CPA6: variants seen among roughly 807,000 people sequenced by gnomAD.
The protein encoded by CPA6 is carboxypeptidase A6.
CPA6 carries 58 observed loss-of-function variants against 63.3 expected under a neutral mutation model. That is an observed-to-expected ratio of 0.92 (90% CI 0.74 to 1.14). The LOEUF (loss-of-function observed/expected upper bound fraction) is 1.14. CPA6 is among the 50% of genes most tolerant of loss of function. CPA6 has a pLI of 0.00. For synonymous variants in CPA6, 185 were observed against 179.0 expected (o/e 1.03, Z -0.27); for missense variants, 565 against 526.6 (o/e 1.07, Z -0.71).
At chr8:67,607,950 T>C (rs1448751414) in intron 2 of CPA6, among the ~76,000 whole-genome samples, 1 of 150,886 alleles carries the variant, frequency 6.6e-6, no homozygotes, top group African/African-American at 2.4e-5. Flanking sequence ...ACAAAGGTGG[T>C]TATTTCTTGT....
chr8:67,577,283 G>A (rs1813652448), intron 2 of CPA6, among the ~76,000 whole-genome samples: 1 of 152,184 alleles, frequency 6.6e-6, no homozygotes, highest in African/African-American at 2.4e-5. Flanking sequence ...GTAACTCTAA[G>A]TGGAATGAGA....
Position 67,624,166 on chromosome 8 carries a change from G to A in CPA6, c.192+10C>T. On this transcript the variant is annotated intron_variant, in intron 2 of 10. Transcript: ENST00000297770. Reference sequence around the variant, plus strand: ...ACAATTCTACCATAAGTGTGTAGATGTTCTATTACCTTAAGTTGATAGGAT... The same window carrying A: ...ACAATTCTACCATAAGTGTGTAGATATTCTATTACCTTAAGTTGATAGGAT... 1 of 1,484,490 alleles carries A rather than the reference G, an allele frequency of 6.7e-7. No individual in the cohort carries two copies. Among genetic ancestry groups the A allele is most frequent in the Non-Finnish European group, 9.4e-7 (1 of 1,066,656 alleles). 92.0% of individuals were successfully genotyped at this position (1,484,490 alleles called of 1,614,324 possible).
intron 1 of CPA6, among the ~76,000 whole-genome samples, chr8:67,643,280 C>T (rs962749967): frequency 5.9e-5 from 9 of 152,106 alleles, no homozygotes; most frequent in African/African-American, 2.2e-4. Context: ...GGAATCGCAG[C>T]TTTATGTCAT....
chr8:67,504,749 T>TTCCATGG (rs1159031197), intron 6 of CPA6, among the ~76,000 whole-genome samples: 2 of 152,122 alleles, frequency 1.3e-5, no homozygotes, highest in Non-Finnish European at 2.9e-5. Context: ...TTCTGGTTGC[T>TTCCATGG]TCCATGGCTC....
chr8:67,487,153 C>T (rs993588322), intron 6 of CPA6, among the ~76,000 whole-genome samples: 1 of 152,118 alleles, frequency 6.6e-6, no homozygotes, highest in Non-Finnish European at 1.5e-5. Flanking sequence ...TTGCTGCACC[C>T]ATTAACTCGT....
At chr8:67,697,379 G>A (rs1440671804) in intron 1 of CPA6, among the ~76,000 whole-genome samples, 1 of 152,194 alleles carries the variant, frequency 6.6e-6, no homozygotes, top group Non-Finnish European at 1.5e-5. Flanking sequence ...GGCAGATAGA[G>A]GTTGAACTTC....
intron 1 of CPA6, among the ~76,000 whole-genome samples, chr8:67,737,506 C>T (rs1015655866): frequency 3.3e-5 from 5 of 152,158 alleles, no homozygotes; most frequent in African/African-American, 4.8e-5. Context: ...TCTGTCCATT[C>T]TTCAGTCTGG....
chr8:67,595,509 G>A (rs1271547955), intron 2 of CPA6, among the ~76,000 whole-genome samples: 1 of 152,200 alleles, frequency 6.6e-6, no homozygotes, highest in Non-Finnish European at 1.5e-5. Context: ...AGGCAGGCAG[G>A]CCTCCTTGAG....
At chr8:67,675,091 G>A (rs970586387) in intron 1 of CPA6, among the ~76,000 whole-genome samples, 7 of 152,134 alleles carry the variant, frequency 4.6e-5, no homozygotes, top group Non-Finnish European at 1.0e-4. Context: ...CTACCTGGGT[G>A]ATAGGATCCA....
chr8:67,607,169 C>CTCTTCTTCTTCT lies in CPA6; in HGVS notation c.192+16995_192+17006dup, dbSNP rs1211819002. On this transcript the variant is annotated intron_variant, in intron 2 of 10. Coordinates refer to ENST00000297770, the MANE Select transcript of CPA6 (RefSeq NM_020361.5). ...CCCCCCCCTCCTCTTCTTCTTCTTC[C>CTCTTCTTCTTCT]TCTTCTTCTTCTTCTTCTTCTTCTT... is the stretch of plus-strand genomic sequence containing the variant. 7.4e-3 allele frequency among the ~76,000 whole-genome samples: 210 copies of CTCTTCTTCTTCT among 28,382 alleles called. 15 individuals are homozygous for CTCTTCTTCTTCT. Among genetic ancestry groups the CTCTTCTTCTTCT allele is most frequent in the Middle Eastern group, 0.018 (1 of 56 alleles). 18.6% of individuals were successfully genotyped at this position (28,382 alleles called of 152,430 possible). A position where few individuals can be genotyped will look rare whatever the true frequency, so the allele number is the denominator to read the frequency against.
rs528136581 is a variant in CPA6, at chr8:67,638,727, A to G, written c.117-14476T>C. ...AATTTGAGGCATTACTGAAGGACCA[A>G]TCCATGGTCCTTTAGAGTTTCCCAT... On this transcript the variant is annotated intron_variant, in intron 1 of 10. Coordinates refer to ENST00000297770, the MANE Select transcript of CPA6 (RefSeq NM_020361.5). Among the ~76,000 whole-genome samples the G allele has an allele frequency of 4.5e-4, 69 of 151,716 alleles. 2 individuals carry two copies. Among genetic ancestry groups the G allele is most frequent in the African/African-American group, 1.7e-3 (68 of 40,978 alleles).
At position 67,713,095 on chromosome 8, in the gene CPA6, GTGTGTATATA is replaced by G. The variant is rs1246015398; in HGVS notation, c.116+32909_116+32918del. On this transcript the variant is annotated intron_variant, in intron 1 of 10. Transcript: ENST00000297770. ...TATCTGTGTGTGTATGTGTGTGTGT[GTGTGTATATA>G]TATATATATATATATATATATATAT... Among the ~76,000 whole-genome samples the G allele has an allele frequency of 7.6e-3, 653 of 86,320 alleles. 8 individuals carry two copies. Among genetic ancestry groups the G allele is most frequent in the Admixed American group, 0.023 (158 of 6,966 alleles). 56.6% of individuals were successfully genotyped at this position (86,320 alleles called of 152,430 possible). A position where few individuals can be genotyped will look rare whatever the true frequency, so the allele number is the denominator to read the frequency against.
intron 2 of CPA6, among the ~76,000 whole-genome samples, chr8:67,608,528 C>T (rs1814725696): frequency 1.3e-5 from 2 of 152,182 alleles, no homozygotes; most frequent in Non-Finnish European, 1.5e-5. Flanking sequence ...CAATTCAATT[C>T]CTGCATTCAC....
intron 9 of CPA6, among the ~76,000 whole-genome samples, chr8:67,432,428 T>A (rs1298608076): frequency 6.6e-6 from 1 of 152,068 alleles, no homozygotes; most frequent in African/African-American, 2.4e-5. Flanking sequence ...GCCGTATGCT[T>A]CTCTTCCATT....
intron 1 of CPA6, among the ~76,000 whole-genome samples, chr8:67,646,734 G>A (rs1021793188): frequency 1.3e-5 from 2 of 152,150 alleles, no homozygotes; most frequent in Admixed American, 6.6e-5. Flanking sequence ...ATAAAACATG[G>A]ATGGTAAGGA....
At chr8:67,519,022 G>A (rs561566396) in intron 2 of CPA6, among the ~76,000 whole-genome samples, 1 of 152,256 alleles carries the variant, frequency 6.6e-6, no homozygotes, top group East Asian at 1.9e-4. Context: ...AGGGCAAAGC[G>A]TTTGCCCATT....
chr8:67,495,038 C>A (rs183357368), intron 6 of CPA6, among the ~76,000 whole-genome samples: 54 of 152,260 alleles, frequency 3.5e-4, no homozygotes, highest in African/African-American at 1.3e-3. Context: ...CCCCATTATC[C>A]AGTATCCACG....
chr8:67,474,463 C>T (rs1198241738), intron 8 of CPA6, among the ~76,000 whole-genome samples: 1 of 152,052 alleles, frequency 6.6e-6, no homozygotes, highest in African/African-American at 2.4e-5. Flanking sequence ...CCTCGTGATC[C>T]ACCCACCTCG....
chr8:67,468,095 A>G (rs1244695707), intron 8 of CPA6, among the ~76,000 whole-genome samples: 1 of 152,016 alleles, frequency 6.6e-6, no homozygotes, highest in Non-Finnish European at 1.5e-5. Context: ...ACAATCTGTA[A>G]GGGCTCCCAA....
Sources: allele counts gnomAD v4.1 joint callset (sites outside exome capture counted in the v4.1 genomes callset), GRCh38; gene constraint gnomAD v4.1.1; transcripts MANE v1.5; gene names NCBI Gene and HGNC (gene_info 2026-07-23, HGNC 2026-07-21).